HK2: variants seen among roughly 807,000 people sequenced by gnomAD.
HK2 encodes hexokinase 2.
A neutral mutation model predicts 92.9 loss-of-function variants in HK2; 42 were observed. The ratio of observed to expected loss-of-function variants is 0.45; its 90% confidence interval spans 0.35 to 0.58. The LOEUF (loss-of-function observed/expected upper bound fraction) is 0.58, where lower values mean the gene tolerates loss of function less well. Ranked by LOEUF, HK2 falls within the 20% of genes least tolerant of loss-of-function variation. The probability of loss-of-function intolerance (pLI) is 0.00; values close to 1 mark genes in which losing one functional copy is unlikely to be tolerated. For missense variants in HK2, 978 were observed against 1,245.1 expected (o/e 0.79, Z 3.23); for synonymous variants, 422 against 468.0 (o/e 0.90, Z 1.27).
At position 74,862,001 on chromosome 2, in the gene HK2, T is replaced by G. The variant is rs1688843781; in HGVS notation, c.227-5635T>G. Among the ~76,000 whole-genome samples, 7 of 152,318 alleles carry G rather than the reference T, an allele frequency of 4.6e-5. No homozygotes were observed. In the South Asian group the frequency reaches 1.5e-3, roughly 32 times the overall value. On this transcript the variant is annotated intron_variant, in intron 2 of 17. Transcript: ENST00000290573. ...GTATACCTCCATCCTCTAGCCAGAC[T>G]TAAACCCTCTAGAGAGCAGGGAACC...
rs369678811 is a variant in HK2 at position 74,842,038 on chromosome 2, G to C, written c.63+7395G>C. On this transcript the variant is annotated intron_variant, in intron 1 of 17. Transcript: ENST00000290573. ...TCTGCATAACACGCAGTGTGAGCTT[G>C]GGTCAGTTACTCTACCTGTCTAGGC... 6.6e-5 allele frequency among the ~76,000 whole-genome samples: 10 copies of C among 152,358 alleles called. 1 individual carries two copies. The highest frequency in any genetic ancestry group is 2.4e-4 in the African/African-American group (10 of 41,584).
At chr2:74,871,949 T>C (rs1689108840) in intron 3 of HK2, among the ~76,000 whole-genome samples, 1 of 152,182 alleles carries the variant, frequency 6.6e-6, no homozygotes. Flanking sequence ...CCAAAGAATG[T>C]TCTGTTCCCC....
intron 3 of HK2, among the ~76,000 whole-genome samples, 154 bp from the exon 4 acceptor site, chr2:74,872,146 T>G (rs1689113110): frequency 6.6e-6 from 1 of 152,224 alleles, no homozygotes; most frequent in African/African-American, 2.4e-5. Context: ...GGTCCAGTTA[T>G]AATTCCCTTT....
chr2:74,880,264 G>T lies in HK2; in HGVS notation c.1266-1G>T. On this transcript the variant is annotated splice_acceptor_variant, in intron 9 of 17. Transcript: ENST00000290573. LOFTEE classifies it high-confidence loss of function. Reference sequence around the variant, plus strand: ...CTCTTACCCGCCCTGGGGAACTGCAGTTTTGCCAAGCGTCTACATAAGACC... The same window carrying T: ...CTCTTACCCGCCCTGGGGAACTGCATTTTTGCCAAGCGTCTACATAAGACC... 1 of 1,614,142 alleles carries T rather than the reference G, an allele frequency of 6.2e-7. No homozygotes were observed. The highest frequency in any genetic ancestry group is 8.5e-7 in the Non-Finnish European group (1 of 1,180,040).
intron 12 of HK2, among the ~76,000 whole-genome samples, chr2:74,885,250 G>T (rs1689494630): frequency 2.0e-5 from 3 of 152,194 alleles, no homozygotes; most frequent in African/African-American, 7.2e-5. Context: ...TTCCACAAGG[G>T]TGCTGTGAGG....
At chr2:74,874,794 G>A (rs1365434439) in intron 7 of HK2, among the ~76,000 whole-genome samples, 1 of 152,130 alleles carries the variant, frequency 6.6e-6, no homozygotes, top group African/African-American at 2.4e-5. Flanking sequence ...TGTTGAGGTG[G>A]CCAAGATTGG....
chr2:74,855,931 A>C (rs3771782), intron 2 of HK2, among the ~76,000 whole-genome samples: 1 of 151,968 alleles, frequency 6.6e-6, no homozygotes, highest in South Asian at 2.1e-4. Context: ...TTTAATCCTC[A>C]TAATAGGTGC....
At chr2:74,871,073 G>T (rs1166862401) in intron 3 of HK2, among the ~76,000 whole-genome samples, 1 of 152,116 alleles carries the variant, frequency 6.6e-6, no homozygotes, top group Non-Finnish European at 1.5e-5. Flanking sequence ...CTGTGGTTTG[G>T]CATAGTGGTT....
rs1396017808 is a variant in HK2 at position 74,874,461 on chromosome 2, C to T, written c.875+12C>T. 9 of 1,589,498 alleles carry T rather than the reference C, an allele frequency of 5.7e-6. No individual in the cohort carries two copies. The highest frequency in any genetic ancestry group is 1.1e-5 in the South Asian group (1 of 88,280). On this transcript the variant is annotated intron_variant, in intron 7 of 17. Coordinates refer to ENST00000290573, the MANE Select transcript of HK2 (RefSeq NM_000189.5). ...CCGGGAAAGCAACTGTGAGTAGGCC[C>T]TTCCTGTGCGAGTGGGCTTGGCGGG... is the stretch of plus-strand genomic sequence containing the variant.
intron 6 of HK2, 95 bp from the exon 7 acceptor site, chr2:74,874,170 TC>T: frequency 6.7e-7 from 1 of 1,491,750 alleles, no homozygotes; most frequent in South Asian, 1.1e-5. Flanking sequence ...ATCCCAGCCA[TC>T]CTGGCCGGGC....
intron 1 of HK2, among the ~76,000 whole-genome samples, chr2:74,852,915 C>CA (rs1258295738): frequency 1.3e-5 from 2 of 152,338 alleles, no homozygotes; most frequent in Middle Eastern, 3.4e-3. Flanking sequence ...GGTGAACAAG[C>CA]AGACATTGTT....
chr2:74,874,081 C>T, intron 6 of HK2, 138 bp downstream of exon 6: 1 of 964,508 alleles, frequency 1.0e-6, no homozygotes, highest in Non-Finnish European at 1.6e-6. Flanking sequence ...CTTTGGAGAG[C>T]CGAGCAGGGA....
At chr2:74,886,028 TTA>T (rs1689522954) in intron 13 of HK2, among the ~76,000 whole-genome samples, 1 of 151,172 alleles carries the variant, frequency 6.6e-6, no homozygotes, top group Non-Finnish European at 1.5e-5. Flanking sequence ...CATATAGAGT[TTA>T]AAAAAAAAAA....
chr2:74,851,187 C>T (rs1473114346), intron 1 of HK2, among the ~76,000 whole-genome samples: 1 of 152,238 alleles, frequency 6.6e-6, no homozygotes, highest in Non-Finnish European at 1.5e-5. Flanking sequence ...AGACAGACCT[C>T]TGTGGAATCC....
intron 2 of HK2, among the ~76,000 whole-genome samples, chr2:74,861,757 A>G (rs1032525236): frequency 6.6e-6 from 1 of 152,226 alleles, no homozygotes; most frequent in African/African-American, 2.4e-5. Context: ...TTGGCTTTGT[A>G]TCATTCCAAT....
Position 74,880,489 on chromosome 2 carries a change from G to A in HK2, c.1490G>A (p.Arg497Gln), listed in dbSNP as rs145124653. 4.9e-4 allele frequency: 794 copies of A among 1,614,172 alleles called. 3 individuals are homozygous for A. Among genetic ancestry groups the A allele is most frequent in the Middle Eastern group, 4.8e-3 (29 of 6,062 alleles). Reference sequence around the variant, plus strand: ...AGGAGGATGAAGGTAGAAATGGAGCGAGGTCTGAGCAAGGAGACTCATGCC... The same window carrying A: ...AGGAGGATGAAGGTAGAAATGGAGCAAGGTCTGAGCAAGGAGACTCATGCC... ...VKRRMKVEMERGLSKETHASA... is the reference protein window; with the variant it reads ...VKRRMKVEMEQGLSKETHASA... Residue 497 changes from arginine to glutamine, a missense_variant, in exon 10 of 18, where the codon CGA (arginine) becomes CAA (glutamine). Physicochemically the swap from Arg to Gln is conservative, Grantham distance 43. This residue lies in a region of HK2 where 742 missense variants were observed against 922.5 expected (regional missense o/e 0.80). Transcript: ENST00000290573.
At chr2:74,854,231 G>A (rs562340218) in intron 1 of HK2, 62 bp from the exon 2 acceptor site, 112 of 1,506,078 alleles carry the variant, frequency 7.4e-5, no homozygotes, top group African/African-American at 3.9e-4. Flanking sequence ...GTTCCATGAC[G>A]TACACCTATG....
chr2:74,889,225 C>G lies in HK2; in HGVS notation c.2376-20C>G, dbSNP rs1195356723. 1.3e-6 allele frequency: 2 copies of G among 1,595,956 alleles called. No homozygotes were observed. Among genetic ancestry groups the G allele is most frequent in the South Asian group, 1.1e-5 (1 of 89,452 alleles). The stretch of plus-strand genomic sequence containing the variant: ...TTCTTGGTGCATGACTGAACACTTG[C>G]TGTCTCCCTCCCACCCCAGTGACTG... On this transcript the variant is annotated intron_variant, in intron 16 of 17. Coordinates refer to ENST00000290573, the MANE Select transcript of HK2 (RefSeq NM_000189.5).
chr2:74,858,147 A>T (rs3771779), intron 2 of HK2, among the ~76,000 whole-genome samples: 26,521 of 152,236 alleles, frequency 0.17, 2,896 homozygotes, highest in East Asian at 0.32. Flanking sequence ...AAATATTTAT[A>T]TGAAAGGAAA....
Sources: allele counts gnomAD v4.1 joint callset (sites outside exome capture counted in the v4.1 genomes callset), GRCh38; gene constraint gnomAD v4.1.1; regional missense constraint gnomAD v4.1.1; transcripts MANE v1.5; gene names NCBI Gene and HGNC (gene_info 2026-07-23, HGNC 2026-07-21).